Variants in TEX101 observed in about 807,000 individuals in gnomAD.
The protein encoded by TEX101 is testis-expressed protein 101.
A neutral mutation model predicts 18.1 loss-of-function variants in TEX101; 10 were observed. The ratio of observed to expected loss-of-function variants is 0.55; its 90% CI spans 0.34 to 0.94. TEX101 has a LOEUF of 0.94. Among genes scored for constraint, TEX101 ranks in the 40% least tolerant of loss-of-function variants. The probability of loss-of-function intolerance (pLI) is 0.02; values close to 1 mark genes in which losing one functional copy is unlikely to be tolerated. For missense variants in TEX101, 259 were observed against 298.9 expected (o/e 0.87, Z 0.98); for synonymous variants, 94 against 114.8 (o/e 0.82, Z 1.16).
At chr19:43,390,924 A>G in the TEX101 span, among the ~76,000 whole-genome samples, 282 of 152,196 alleles carry the variant, frequency 1.9e-3, no homozygotes, top group African/African-American at 6.7e-3. Flanking sequence ...CCCTCCAGCC[A>G]CTGACAACCA....
intron 3 of TEX101, among the ~76,000 whole-genome samples, chr19:43,407,629 C>T (rs1197310917): frequency 6.6e-6 from 1 of 152,264 alleles, no homozygotes; most frequent in Non-Finnish European, 1.5e-5. Context: ...TCCCCAGGTT[C>T]AGACGTTTGG....
rs1240717728 is a variant in TEX101, at chr19:43,416,177, C to A, written c.143C>A (p.Thr48Lys). Residue 48 changes from threonine to lysine, a missense_variant, in exon 3 of 6, where the codon ACA (threonine) becomes AAA (lysine). Transcript: ENST00000598265. The part of the protein sequence containing the change: ...ADPANMFNWT[T>K]EEVETCDKGA... The stretch of plus-strand genomic sequence containing the variant: ...CCAGCCAATATGTTTAACTGGACCA[C>A]AGAGGAAGTGGAGACTTGTGACAAA... 6.2e-7 allele frequency: 1 copy of A among 1,613,834 alleles called. No individual in the cohort carries two copies. The highest frequency in any genetic ancestry group is 1.3e-5 in the African/African-American group (1 of 74,908).
upstream of TEX101, among the ~76,000 whole-genome samples, chr19:43,414,510 T>C (rs1345992332): frequency 6.6e-6 from 1 of 152,138 alleles, no homozygotes; most frequent in Admixed American, 6.5e-5. Flanking sequence ...GGGGCCAGGC[T>C]GGGAACATGA....
the TEX101 span, among the ~76,000 whole-genome samples, chr19:43,394,618 G>A: frequency 2.6e-5 from 4 of 151,938 alleles, no homozygotes; most frequent in Admixed American, 6.6e-5. Context: ...CTACAAGCAC[G>A]TGCCACCACA....
intron 3 of TEX101, 40 bp downstream of exon 3, chr19:43,416,282 GTTGA>G (rs1970476211): frequency 6.3e-7 from 1 of 1,589,722 alleles, no homozygotes. Flanking sequence ...TAGGAGGGAG[GTTGA>G]TTATCTCCAT....
upstream of TEX101, among the ~76,000 whole-genome samples, chr19:43,413,109 CT>C (rs1466308293): frequency 6.6e-6 from 1 of 152,192 alleles, no homozygotes; most frequent in East Asian, 1.9e-4. Context: ...GCAAAACTTT[CT>C]GTTCTGTTAC....
intron 2 of TEX101, chr19:43,406,190 T>C: frequency 2.9e-6 from 1 of 345,742 alleles, no homozygotes; most frequent in East Asian, 6.2e-5. Context: ...CTTAGGCTGC[T>C]GTGGGTATTG....
upstream of TEX101, among the ~76,000 whole-genome samples, chr19:43,397,159 G>T (rs1970274614): frequency 6.6e-6 from 1 of 152,104 alleles, no homozygotes; most frequent in African/African-American, 2.4e-5. Flanking sequence ...TTATTATGAA[G>T]CTGGGTGATT....
intron 1 of TEX101, among the ~76,000 whole-genome samples, chr19:43,402,107 A>G (rs1970323129): frequency 6.6e-6 from 1 of 152,256 alleles, no homozygotes; most frequent in Non-Finnish European, 1.5e-5. Flanking sequence ...GAGGCAACAC[A>G]TAAGCGGGTG....
At chr19:43,405,397 A>G (rs12976581) in intron 2 of TEX101, among the ~76,000 whole-genome samples, 49,941 of 151,092 alleles carry the variant, frequency 0.33, 8,829 homozygotes, top group East Asian at 0.73. Flanking sequence ...AGTGAATATA[A>G]TGAAACCCCA....
the TEX101 span, among the ~76,000 whole-genome samples, chr19:43,395,122 A>G: frequency 6.6e-6 from 1 of 152,184 alleles, no homozygotes; most frequent in African/African-American, 2.4e-5. Flanking sequence ...TGGGGAAGTG[A>G]CCTAGAAATG....
the TEX101 span, among the ~76,000 whole-genome samples, chr19:43,391,783 C>G: frequency 6.6e-6 from 1 of 152,176 alleles, no homozygotes; most frequent in Non-Finnish European, 1.5e-5. Flanking sequence ...CCAACACTGC[C>G]GTGACTAGTC....
chr19:43,390,658 G>T, the TEX101 span, among the ~76,000 whole-genome samples: 3 of 150,834 alleles, frequency 2.0e-5, no homozygotes, highest in Non-Finnish European at 3.0e-5. Flanking sequence ...TAGCAGAGAG[G>T]GGATTTCATC....
the TEX101 span, among the ~76,000 whole-genome samples, chr19:43,391,243 G>A: frequency 1.2e-4 from 19 of 152,158 alleles, no homozygotes; most frequent in African/African-American, 4.3e-4. Context: ...CCTGCTTTCC[G>A]TTCTTTTCGG....
At chr19:43,407,614 A>G (rs1970379385) in intron 3 of TEX101, among the ~76,000 whole-genome samples, 1 of 152,202 alleles carries the variant, frequency 6.6e-6, no homozygotes, top group South Asian at 2.1e-4. Flanking sequence ...GCCCAGTACC[A>G]CAGGTCCCCA....
upstream of TEX101, among the ~76,000 whole-genome samples, chr19:43,400,614 C>T (rs1199242764): frequency 6.6e-6 from 1 of 152,160 alleles, no homozygotes; most frequent in Non-Finnish European, 1.5e-5. Flanking sequence ...AGTCATTGTA[C>T]ACAGGTAAAG....
At chr19:43,393,107 A>AAGGAAGGAAGAAAGGAAGGAAG in the TEX101 span, among the ~76,000 whole-genome samples, 1 of 78,066 alleles carries the variant, frequency 1.3e-5, no homozygotes, top group Non-Finnish European at 2.3e-5. Flanking sequence ...AAGGAAGGAA[A>AAGGAAGGAAGAAAGGAAGGAAG]GAAAGAAGGA....
upstream of TEX101, among the ~76,000 whole-genome samples, chr19:43,411,122 G>C (rs1366343709): frequency 1.3e-5 from 2 of 152,130 alleles, no homozygotes; most frequent in Non-Finnish European, 2.9e-5. Flanking sequence ...TGTCACCCAG[G>C]CTGCAGTGCA....
rs766236490 is a variant in TEX101, at chr19:43,416,099, C to T, written c.65C>T (p.Ser22Leu). Residue 22 changes from serine to leucine, a missense_variant and splice_region_variant, in exon 3 of 6, where the codon TCG (serine) becomes TTG (leucine). Coordinates refer to ENST00000598265, the MANE Select transcript of TEX101 (RefSeq NM_001130011.3). ...LLVLGASLLT[S>L]GLELYCQKGL... ...TATCCTTTTCTTGTTTTCTCCTCAG[C>T]GGGCCTAGAGCTGTATTGTCAAAAG... The T allele has an allele frequency of 1.6e-5, 26 of 1,606,390 alleles. No homozygotes were observed. Among genetic ancestry groups the T allele is most frequent in the East Asian group, 6.7e-5 (3 of 44,812 alleles).
Sources: allele counts gnomAD v4.1 joint callset (sites outside exome capture counted in the v4.1 genomes callset), GRCh38; gene constraint gnomAD v4.1.1; transcripts MANE v1.5; gene names NCBI Gene and HGNC (gene_info 2026-07-23, HGNC 2026-07-21).